Variants in LRRC7 observed in about 807,000 individuals in gnomAD.
LRRC7 encodes the protein leucine-rich repeat-containing protein 7.
In LRRC7, 23 loss-of-function variants were observed where a neutral mutation model predicts 175.7. The observed-to-expected ratio is 0.13, with a 90% CI of 0.09 to 0.19. The LOEUF (loss-of-function observed/expected upper bound fraction) is 0.19. LRRC7 is among the 10% of genes least tolerant of loss of function. The probability of loss-of-function intolerance (pLI) is 1.00; values close to 1 mark genes in which losing one functional copy is unlikely to be tolerated. For synonymous variants in LRRC7, 685 were observed against 680.9 expected (o/e 1.01, Z -0.09); for missense variants, 1,354 against 1,904.7 (o/e 0.71, Z 5.38).
chr1:69,800,390 C>T (rs1192265146), intron 4 of LRRC7, among the ~76,000 whole-genome samples: 1 of 151,848 alleles, frequency 6.6e-6, no homozygotes, highest in Non-Finnish European at 1.5e-5. Flanking sequence ...AATGTTTTCC[C>T]ATTTCTTTGG....
chr1:69,718,142 G>GAAAGAAAGAAAAGAA (rs1553146139), intron 2 of LRRC7, among the ~76,000 whole-genome samples: 2 of 73,716 alleles, frequency 2.7e-5, no homozygotes, highest in Non-Finnish European at 4.8e-5. Flanking sequence ...AAGAAAGAGA[G>GAAAGAAAGAAAAGAA]AGAAAGAAAG....
intron 7 of LRRC7, among the ~76,000 whole-genome samples, chr1:69,863,439 T>C (rs543410439): frequency 1.3e-4 from 20 of 152,362 alleles, no homozygotes; most frequent in Admixed American, 7.8e-4. Context: ...GTATCCTTAT[T>C]GCCTAGTATT....
At chr1:69,963,832 G>A (rs538095736) in intron 8 of LRRC7, among the ~76,000 whole-genome samples, 23 of 152,232 alleles carry the variant, frequency 1.5e-4, no homozygotes, top group African/African-American at 5.5e-4. Context: ...CCCAGCCCAG[G>A]AAACATAAAA....
At position 69,612,048 on chromosome 1, in the gene LRRC7, T is replaced by G. The variant is rs567269723; in HGVS notation, c.2+43407T>G. 2.0e-5 allele frequency among the ~76,000 whole-genome samples: 3 copies of G among 152,202 alleles called. No homozygotes were observed. The East Asian group carries it at 5.8e-4, about 29-fold the overall frequency. On this transcript the variant is annotated intron_variant, in intron 1 of 26. Coordinates refer to ENST00000651989, the MANE Select transcript of LRRC7 (RefSeq NM_001370785.2). ...ATATTGAGGATCGACTGTAATTTCCTTCACGATTTTCCCTTTGCTTTTCTA... is the reference window on the plus strand; with the variant it reads ...ATATTGAGGATCGACTGTAATTTCCGTCACGATTTTCCCTTTGCTTTTCTA...
Position 70,143,468 on chromosome 1 carries a change from T to C in LRRC7, c.*21581T>C, listed in dbSNP as rs1033524192. 1 of 152,188 alleles carries C rather than the reference T, an allele frequency of 6.6e-6. No individual in the cohort carries two copies. Among genetic ancestry groups the C allele is most frequent in the African/African-American group, 2.4e-5 (1 of 41,454 alleles). The allele number at this position is 152,188 out of a possible 1,614,324, so 9.4% of individuals were successfully genotyped here. A position where few individuals can be genotyped will look rare whatever the true frequency, so the allele number is the denominator to read the frequency against. ...ACATTGACATTTTACATAGACATAT[T>C]GTATATTAATGCATGCATTTCACTG... On this transcript the variant is annotated 3_prime_UTR_variant, in exon 27 of 27. Transcript: ENST00000651989.
intron 1 of LRRC7, among the ~76,000 whole-genome samples, chr1:69,661,893 C>T (rs912815936): frequency 6.6e-6 from 1 of 152,154 alleles, no homozygotes; most frequent in Non-Finnish European, 1.5e-5. Context: ...CTTACAAAAG[C>T]ATTACATTCC....
At chr1:69,913,513 T>A (rs1646594841) in intron 7 of LRRC7, among the ~76,000 whole-genome samples, 1 of 152,176 alleles carries the variant, frequency 6.6e-6, no homozygotes. Flanking sequence ...AGTTTCCTTT[T>A]TTTTTGTTTT....
At chr1:69,797,710 C>G (rs750202327) in intron 4 of LRRC7, among the ~76,000 whole-genome samples, 2 of 152,152 alleles carry the variant, frequency 1.3e-5, no homozygotes, top group Non-Finnish European at 2.9e-5. Context: ...CCACAATTAC[C>G]AAACCCATTC....
Position 70,021,115 on chromosome 1 carries a change from G to C in LRRC7, c.1531G>C (p.Ala511Pro), listed in dbSNP as rs2101974208. 6.2e-7 allele frequency: 1 copy of C among 1,611,646 alleles called. No homozygotes were observed. The highest frequency in any genetic ancestry group is 8.5e-7 in the Non-Finnish European group (1 of 1,178,454). ...AGACAAAAAAGAAGATGACGAAAAT[G>C]CTGGGAAAGTTAAGGTGAACCTTTT... ...FEDKKEDDENAGKVKDLSCQA... is the reference protein window; with the variant it reads ...FEDKKEDDENPGKVKDLSCQA... The change falls in exon 16 of 27, where the codon GCT (alanine) becomes CCT (proline). Residue 511 changes from alanine to proline, a missense_variant. Ala to Pro is a conservative substitution (Grantham distance 27). Around this residue, in one of 4 missense-constraint regions of LRRC7, gnomAD observed 1,032 missense variants for 1,227.2 expected, o/e 0.84. Transcript: ENST00000651989.
intron 26 of LRRC7, 130 bp from the exon 27 acceptor site, chr1:70,121,650 G>A (rs1160909609): frequency 1.5e-5 from 9 of 603,876 alleles, no homozygotes; most frequent in African/African-American, 3.8e-5. Context: ...CCATAATTGC[G>A]ATTCCATTGT....
intron 23 of LRRC7, among the ~76,000 whole-genome samples, chr1:70,071,502 G>A (rs553799262): frequency 6.6e-6 from 1 of 152,116 alleles, no homozygotes; most frequent in East Asian, 1.9e-4. Flanking sequence ...AAGTTGGGGT[G>A]CCACAGAAAA....
At position 69,717,841 on chromosome 1, in the gene LRRC7, A is replaced by AGAAAGAAAGAAAGAAGAAAGAAAGGAAAG. The variant is rs754934916; in HGVS notation, c.100+39363_100+39364insGAAAGAAAGAAAGAAGAAAGAAAGGAAAG. Among the ~76,000 whole-genome samples the AGAAAGAAAGAAAGAAGAAAGAAAGGAAAG allele has an allele frequency of 4.7e-4, 9 of 19,330 alleles. 2 individuals are homozygous for AGAAAGAAAGAAAGAAGAAAGAAAGGAAAG. Among genetic ancestry groups the AGAAAGAAAGAAAGAAGAAAGAAAGGAAAG allele is most frequent in the Non-Finnish European group, 1.7e-4 (2 of 11,740 alleles). 12.7% of individuals were successfully genotyped at this position (19,330 alleles called of 152,430 possible). ...AAGAAAGAAAGAAAGAAAGAAAGAA[A>AGAAAGAAAGAAAGAAGAAAGAAAGGAAAG]AAAGAAAGAAAGGAAAGAAAGAAAG... On this transcript the variant is annotated intron_variant, in intron 2 of 26. Coordinates refer to ENST00000651989, the MANE Select transcript of LRRC7 (RefSeq NM_001370785.2).
At chr1:70,057,910 G>A (rs140462995) in intron 23 of LRRC7, among the ~76,000 whole-genome samples, 14 of 151,694 alleles carry the variant, frequency 9.2e-5, no homozygotes, top group South Asian at 8.3e-4. Flanking sequence ...GCAAAGTGAT[G>A]GAAAAATGCC....
At chr1:69,726,791 A>G (rs72941412) in intron 2 of LRRC7, among the ~76,000 whole-genome samples, 3,124 of 152,204 alleles carry the variant, frequency 0.021, 112 homozygotes, top group African/African-American at 0.071. Flanking sequence ...AAAAAAGAAT[A>G]CCAAGGAAAA....
chr1:70,095,716 A>G (rs956736729), intron 25 of LRRC7, among the ~76,000 whole-genome samples: 1 of 152,200 alleles, frequency 6.6e-6, no homozygotes, highest in African/African-American at 2.4e-5. Context: ...TGGGGCATAA[A>G]TGTGAAAAAG....
At position 69,843,510 on chromosome 1, in the gene LRRC7, A is replaced by C. The variant is rs139024465; in HGVS notation, c.647+5227A>C. Among the ~76,000 whole-genome samples, 375 of 152,294 alleles carry C rather than the reference A, an allele frequency of 2.5e-3. 3 individuals carry two copies. The highest frequency in any genetic ancestry group is 8.8e-3 in the African/African-American group (364 of 41,576). On this transcript the variant is annotated intron_variant, in intron 7 of 26. Coordinates refer to ENST00000651989, the MANE Select transcript of LRRC7 (RefSeq NM_001370785.2). Reference sequence around the variant, plus strand: ...AATGATACTTTTAAACTACTAAACTATATATGCTAGATATCTCGTAAATGG... The same window carrying C: ...AATGATACTTTTAAACTACTAAACTCTATATGCTAGATATCTCGTAAATGG...
At chr1:70,018,570 G>T in intron 14 of LRRC7, 149 bp from the exon 15 acceptor site, 1 of 486,858 alleles carries the variant, frequency 2.1e-6, no homozygotes, top group South Asian at 3.7e-5. Context: ...ATATTCCTCA[G>T]TAATAGTATT....
chr1:69,704,496 A>G (rs1480335114), intron 2 of LRRC7, among the ~76,000 whole-genome samples: 1 of 152,010 alleles, frequency 6.6e-6, no homozygotes, highest in African/African-American at 2.4e-5. Flanking sequence ...TTAATGTTCT[A>G]GAATGGCTTT....
At chr1:70,109,748 A>G (rs1665394573) in intron 26 of LRRC7, among the ~76,000 whole-genome samples, 4 of 152,216 alleles carry the variant, frequency 2.6e-5, no homozygotes, top group Admixed American at 2.0e-4. Flanking sequence ...TTGTAGTGAA[A>G]AACAGCTGAG....
Sources: gnomAD v4.1 joint callset for allele counts (sites outside exome capture counted in the v4.1 genomes callset) on GRCh38, gnomAD v4.1.1 for gene constraint, gnomAD v4.1.1 regional missense constraint, MANE v1.5 for transcripts, NCBI Gene and HGNC (gene_info 2026-07-23, HGNC 2026-07-21) for gene names.